NIPAL1: variants seen among roughly 807,000 people sequenced by gnomAD.
NIPAL1 encodes NIPA like domain containing 1, also known as magnesium transporter NIPA3.
A neutral mutation model predicts 37.7 loss-of-function variants in NIPAL1; 35 were observed. That is an observed-to-expected ratio of 0.93 (90% CI 0.71 to 1.23). The LOEUF (loss-of-function observed/expected upper bound fraction) is 1.23. Ranked by LOEUF, NIPAL1 falls within the 50% of genes most tolerant of loss-of-function variation. The pLI is 0.00. For synonymous variants in NIPAL1, 162 were observed against 183.0 expected (o/e 0.89, Z 0.93); for missense variants, 412 against 473.9 (o/e 0.87, Z 1.21).
In NIPAL1 at chr4:48,036,515, C is replaced by T. The variant is rs1054306263; in HGVS notation, c.*343C>T. 7.1e-6 allele frequency: 2 copies of T among 280,592 alleles called. No homozygotes were observed. Among genetic ancestry groups the T allele is most frequent in the Non-Finnish European group, 1.3e-5 (2 of 149,894 alleles). The allele number at this position is 280,592 out of a possible 1,614,324, so 17.4% of individuals were successfully genotyped here. On this transcript the variant is annotated 3_prime_UTR_variant, in exon 6 of 6. Transcript: ENST00000295461. ...CTATTTTTAGACTTACAGTCATTCA[C>T]CAATATACAGTTAGCAGTGTTCTGA...
Position 48,025,338 on chromosome 4 carries a change from A to G in NIPAL1, c.313+4A>G. 2 of 1,612,836 alleles carry G rather than the reference A, an allele frequency of 1.2e-6. No individual in the cohort carries two copies. Among genetic ancestry groups the G allele is most frequent in the South Asian group, 1.1e-5 (1 of 90,908 alleles). On this transcript the variant is annotated splice_donor_region_variant and intron_variant, in intron 2 of 5. Coordinates refer to ENST00000295461, the MANE Select transcript of NIPAL1 (RefSeq NM_207330.3). ...AGCAAGGGCTTTACTAGAGCTGGTA[A>G]GAAACACATGCAACTAATGAATTTA...
intron 1 of NIPAL1, among the ~76,000 whole-genome samples, chr4:48,018,146 T>C (rs1715488435): frequency 6.6e-6 from 1 of 152,156 alleles, no homozygotes; most frequent in African/African-American, 2.4e-5. Flanking sequence ...TCACAAACTA[T>C]TAAAAAACAA....
At chr4:48,018,427 G>A (rs575021318) in intron 1 of NIPAL1, among the ~76,000 whole-genome samples, 25 of 152,330 alleles carry the variant, frequency 1.6e-4, no homozygotes, top group African/African-American at 5.8e-4. Context: ...AATTAATTGT[G>A]TGAAAAGCTG....
Position 48,025,296 on chromosome 4 carries a change from G to A in NIPAL1, c.275G>A (p.Gly92Asp). Reference sequence around the variant, plus strand: ...TCCAGCTTCATACTGAAAAAGAAGGGCCTCTTGCAACTGGCCAGCAAGGGC... The same window carrying A: ...TCCAGCTTCATACTGAAAAAGAAGGACCTCTTGCAACTGGCCAGCAAGGGC... ...IGSSFILKKK[G>D]LLQLASKGFT... is the part of the protein sequence containing the mutation. Residue 92 changes from glycine to aspartate, a missense_variant, in exon 2 of 6, where the codon GGC (glycine) becomes GAC (aspartate). Gly to Asp is a moderately conservative substitution (Grantham distance 94). Coordinates refer to ENST00000295461, the MANE Select transcript of NIPAL1 (RefSeq NM_207330.3). 2 of 1,614,124 alleles carry A rather than the reference G, an allele frequency of 1.2e-6. No homozygotes were observed. The highest frequency in any genetic ancestry group is 1.7e-6 in the Non-Finnish European group (2 of 1,180,002).
At chr4:48,025,478 G>A (rs1715667343) in intron 2 of NIPAL1, 144 bp downstream of exon 2, 2 of 790,212 alleles carry the variant, frequency 2.5e-6, no homozygotes, top group Non-Finnish European at 3.9e-6. Flanking sequence ...AAAATACTTA[G>A]GTCTTTGATT....
rs1715488172 is a variant in NIPAL1 at position 48,018,139 on chromosome 4, C to G, written c.46+1254C>G. On this transcript the variant is annotated intron_variant, in intron 1 of 5. Transcript: ENST00000295461. The stretch of plus-strand genomic sequence containing the variant: ...AGAGCAATAACGCCTGAACAACTCA[C>G]AAACTATTAAAAAACAAAAATTTTA... Among the ~76,000 whole-genome samples, 3 of 152,132 alleles carry G rather than the reference C, an allele frequency of 2.0e-5. No homozygotes were observed. In the South Asian group the frequency reaches 6.2e-4, roughly 32 times the overall value.
At position 48,023,589 on chromosome 4, in the gene NIPAL1, G is replaced by T. The variant is rs558460123; in HGVS notation, c.47-1479G>T. On this transcript the variant is annotated intron_variant, in intron 1 of 5. Transcript: ENST00000295461. The stretch of plus-strand genomic sequence containing the variant: ...GAGAATTTGCCATTTTTAAAGGAAA[G>T]ATGGGAAGACAGAACATCTTGTCAC... Among the ~76,000 whole-genome samples, 5 of 152,268 alleles carry T rather than the reference G, an allele frequency of 3.3e-5. No individual in the cohort carries two copies. In the South Asian group the frequency reaches 1.0e-3, roughly 32 times the overall value.
chr4:48,020,938 TTTAAA>T (rs1715554791), intron 1 of NIPAL1, among the ~76,000 whole-genome samples: 1 of 152,198 alleles, frequency 6.6e-6, no homozygotes, highest in African/African-American at 2.4e-5. Flanking sequence ...AACTGGATAA[TTTAAA>T]TTATTATTTA....
intron 1 of NIPAL1, among the ~76,000 whole-genome samples, chr4:48,021,882 T>C (rs1331453039): frequency 6.0e-5 from 4 of 66,454 alleles, no homozygotes; most frequent in African/African-American, 1.7e-4. Context: ...GGTTGATACA[T>C]TGGTGTGTAT....
intron 1 of NIPAL1, among the ~76,000 whole-genome samples, chr4:48,017,840 CAT>C (rs1174184858): frequency 7.0e-6 from 1 of 142,578 alleles, no homozygotes. Context: ...TATATATACA[CAT>C]ATATATATAG....
At chr4:48,018,710 T>C (rs951238710) in intron 1 of NIPAL1, among the ~76,000 whole-genome samples, 2 of 152,226 alleles carry the variant, frequency 1.3e-5, no homozygotes, top group African/African-American at 4.8e-5. Context: ...AGCACTGGCA[T>C]AGGTGCTGGG....
At chr4:48,022,947 C>A (rs187048401) in intron 1 of NIPAL1, among the ~76,000 whole-genome samples, 1 of 152,088 alleles carries the variant, frequency 6.6e-6, no homozygotes, top group African/African-American at 2.4e-5. Context: ...GTGATGACAC[C>A]ACTGCACTAC....
At chr4:48,022,882 G>C (rs1409647861) in intron 1 of NIPAL1, among the ~76,000 whole-genome samples, 1 of 152,012 alleles carries the variant, frequency 6.6e-6, no homozygotes, top group African/African-American at 2.4e-5. Flanking sequence ...CAGCTACTTG[G>C]GAGGCTGAGA....
chr4:48,034,929 G>A lies in NIPAL1; in HGVS notation c.510G>A (p.Gly170=). 6.2e-7 allele frequency: 1 copy of A among 1,613,198 alleles called. No homozygotes were observed. Among genetic ancestry groups the A allele is most frequent in the Non-Finnish European group, 8.5e-7 (1 of 1,179,178 alleles). ...YFLNEHLNIH[G]KIGCILSILG... is the part of the protein sequence containing the mutation. Reference sequence around the variant, plus strand: ...TAAACGAGCACTTGAACATTCATGGGAAAATAGGCTGCATATTAAGTATAT... The same window carrying A: ...TAAACGAGCACTTGAACATTCATGGAAAAATAGGCTGCATATTAAGTATAT... Residue 170 remains glycine, a synonymous_variant, in exon 5 of 6, where the codon GGG becomes GGA. Transcript: ENST00000295461.
In NIPAL1 at chr4:48,035,094, C is replaced by T. The variant is rs1322636673; in HGVS notation, c.622+53C>T. ...CAAATTCTGCTCCACTTTCTCTCCT[C>T]ACCAAATAGTATCTGTAATAATATT... On this transcript the variant is annotated intron_variant, in intron 5 of 5. Transcript: ENST00000295461. 10 of 1,388,946 alleles carry T rather than the reference C, an allele frequency of 7.2e-6. No homozygotes were observed. The East Asian group carries it at 2.3e-4, about 32-fold the overall frequency. 86.0% of individuals were successfully genotyped at this position (1,388,946 alleles called of 1,614,324 possible).
chr4:48,027,898 T>A lies in NIPAL1; in HGVS notation c.314-2222T>A, dbSNP rs1715726479. 6.6e-6 allele frequency among the ~76,000 whole-genome samples: 1 copy of A among 152,212 alleles called. No individual in the cohort carries two copies. Among genetic ancestry groups the A allele is most frequent in the Non-Finnish European group, 1.5e-5 (1 of 68,032 alleles). ...CTCTCAAAAGCTCTTATGTCAACCA[T>A]CTTCTTCCCTTTACAGTCCTCATTA... On this transcript the variant is annotated intron_variant, in intron 2 of 5. Transcript: ENST00000295461. The surrounding 1 kb of genome is among the most constrained non-coding windows in gnomAD (Gnocchi z 4.1).
chr4:48,023,365 T>C lies in NIPAL1; in HGVS notation c.47-1703T>C, dbSNP rs185764218. ...TTGCATGTGGTAAAATTCAGGTGGC[T>C]TCATGAAGCTTTGCCAGGGGTACAT... On this transcript the variant is annotated intron_variant, in intron 1 of 5. Transcript: ENST00000295461. Among the ~76,000 whole-genome samples, 17 of 152,358 alleles carry C rather than the reference T, an allele frequency of 1.1e-4. No individual in the cohort carries two copies. The East Asian group carries it at 2.3e-3, about 21-fold the overall frequency.
chr4:48,037,851 T>C lies in NIPAL1; in HGVS notation c.*1679T>C, dbSNP rs2109374911. ...GATTTACTGTCACTTATTGATTTTA[T>C]GGAAAATAAATTGGCTATCTTATTT... On this transcript the variant is annotated 3_prime_UTR_variant, in exon 6 of 6. Coordinates refer to ENST00000295461, the MANE Select transcript of NIPAL1 (RefSeq NM_207330.3). The C allele has an allele frequency of 6.6e-6, 1 of 152,230 alleles. No individual in the cohort carries two copies. The highest frequency in any genetic ancestry group is 1.9e-4 in the East Asian group (1 of 5,186). The allele number at this position is 152,230 out of a possible 1,614,324, so 9.4% of individuals were successfully genotyped here.
chr4:48,029,834 G>C (rs1197676999), intron 2 of NIPAL1, among the ~76,000 whole-genome samples: 2 of 152,070 alleles, frequency 1.3e-5, no homozygotes, highest in Non-Finnish European at 2.9e-5. Context: ...TGTTGCAAAG[G>C]TAAATGCGTA....
Sources: allele counts gnomAD v4.1 joint callset (sites outside exome capture counted in the v4.1 genomes callset), GRCh38; gene constraint gnomAD v4.1.1; non-coding constraint Gnocchi (gnomAD v3.1); transcripts MANE v1.5; gene names NCBI Gene and HGNC (gene_info 2026-07-23, HGNC 2026-07-21).